ZCCHC7: variants seen among roughly 807,000 people sequenced by gnomAD.
The protein encoded by ZCCHC7 is zinc finger CCHC domain-containing protein 7.
ZCCHC7 carries 35 observed loss-of-function variants against 52.0 expected under a neutral mutation model. The observed-to-expected ratio is 0.67, with a 90% CI of 0.51 to 0.89. The LOEUF is 0.89. Among genes scored for constraint, ZCCHC7 ranks in the 40% least tolerant of loss-of-function variants. ZCCHC7 has a pLI of 0.00. For missense variants in ZCCHC7, 574 were observed against 649.1 expected, an observed-to-expected ratio of 0.88 and a Z score of 1.26; for synonymous variants, 217 against 221.5, an observed-to-expected ratio of 0.98 and a Z score of 0.18.
At chr9:37,298,631 G>A (rs1828894145) in intron 2 of ZCCHC7, among the ~76,000 whole-genome samples, 1 of 152,142 alleles carries the variant, frequency 6.6e-6, no homozygotes, top group East Asian at 1.9e-4. Context: ...GTGGGGGATT[G>A]ACTGCACATG....
At chr9:37,343,433 T>C (rs543354154) in intron 6 of ZCCHC7, among the ~76,000 whole-genome samples, 89 of 152,342 alleles carry the variant, frequency 5.8e-4, no homozygotes, top group African/African-American at 2.1e-3. Flanking sequence ...TTAAAATCTT[T>C]ACTATATTTG....
intron 2 of ZCCHC7, among the ~76,000 whole-genome samples, chr9:37,195,226 C>T (rs1823229657): frequency 6.6e-6 from 1 of 152,032 alleles, no homozygotes; most frequent in Non-Finnish European, 1.5e-5. Flanking sequence ...GGATTACAGA[C>T]GTAAGCCACC....
chr9:37,141,309 A>G (rs1414700536), intron 2 of ZCCHC7, among the ~76,000 whole-genome samples: 1 of 150,614 alleles, frequency 6.6e-6, no homozygotes, highest in Non-Finnish European at 1.5e-5. Context: ...TTTTTTTTTA[A>G]ATTTGTTTCT....
chr9:37,171,025 A>T (rs545578775), intron 2 of ZCCHC7, among the ~76,000 whole-genome samples: 19 of 152,342 alleles, frequency 1.2e-4, no homozygotes, highest in Admixed American at 4.6e-4. Context: ...GTTAACTAGT[A>T]TTTATACTTG....
intron 2 of ZCCHC7, among the ~76,000 whole-genome samples, chr9:37,164,448 GATAGATAGA>G (rs1821294588): frequency 2.3e-5 from 1 of 44,072 alleles, no homozygotes; most frequent in Non-Finnish European, 5.2e-5. Flanking sequence ...GTCTTAGATA[GATAGATAGA>G]TAGATAGATA....
At chr9:37,240,847 T>A (rs1825844005) in intron 2 of ZCCHC7, among the ~76,000 whole-genome samples, 1 of 151,836 alleles carries the variant, frequency 6.6e-6, no homozygotes, top group Non-Finnish European at 1.5e-5. Context: ...GCCACCCAAC[T>A]ACGATTAAAA....
chr9:37,157,447 G>T (rs1377312208), intron 2 of ZCCHC7, among the ~76,000 whole-genome samples: 1 of 152,076 alleles, frequency 6.6e-6, no homozygotes, highest in Non-Finnish European at 1.5e-5. Flanking sequence ...AGCCATGATT[G>T]TGCCACTGCA....
chr9:37,240,304 T>C (rs1389634248), intron 2 of ZCCHC7, among the ~76,000 whole-genome samples: 2 of 152,014 alleles, frequency 1.3e-5, no homozygotes, highest in Non-Finnish European at 2.9e-5. Flanking sequence ...TTGTTACTAA[T>C]TTAATCTAGT....
rs567685819 is a variant in ZCCHC7 at position 37,137,731 on chromosome 9, AGTTAT to A, written c.610+10793_610+10797del. On this transcript the variant is annotated intron_variant, in intron 2 of 8. Transcript: ENST00000336755. The stretch of plus-strand genomic sequence containing the variant: ...TTAAGGTACAACTTTCACTCCTCAT[AGTTAT>A]GTTCTTCCTTATAATCTTTTAACAT... 1.5e-3 allele frequency among the ~76,000 whole-genome samples: 234 copies of A among 152,270 alleles called. 1 individual carries two copies. The highest frequency in any genetic ancestry group is 3.4e-3 in the Middle Eastern group (1 of 294).
chr9:37,224,347 T>C (rs1469325537), intron 2 of ZCCHC7, among the ~76,000 whole-genome samples: 1 of 152,184 alleles, frequency 6.6e-6, no homozygotes, highest in Non-Finnish European at 1.5e-5. Flanking sequence ...TGGAAGTCTG[T>C]GTTTCTTCCC....
chr9:37,237,619 C>T (rs561504056), intron 2 of ZCCHC7, among the ~76,000 whole-genome samples: 1 of 152,148 alleles, frequency 6.6e-6, no homozygotes, highest in Non-Finnish European at 1.5e-5. Flanking sequence ...TCACTTAGTT[C>T]AAATAATTCA....
At chr9:37,302,067 T>G in intron 2 of ZCCHC7, 121 bp from the exon 3 acceptor site, 2 of 773,690 alleles carry the variant, frequency 2.6e-6, no homozygotes, top group Non-Finnish European at 4.4e-6. Context: ...TTTCAGGTAT[T>G]CAACATTTCT....
chr9:37,328,094 A>C (rs1830322729), intron 6 of ZCCHC7, among the ~76,000 whole-genome samples: 1 of 151,964 alleles, frequency 6.6e-6, no homozygotes, highest in African/African-American at 2.4e-5. Flanking sequence ...AGTCTTCCAG[A>C]CTATATTCAT....
At chr9:37,130,593 C>T (rs1370392920) in intron 2 of ZCCHC7, among the ~76,000 whole-genome samples, 1 of 150,816 alleles carries the variant, frequency 6.6e-6, no homozygotes, top group African/African-American at 2.4e-5. Context: ...CCCGGGTTCA[C>T]GCCATTCTCC....
chr9:37,195,241 C>A (rs1823230899), intron 2 of ZCCHC7, among the ~76,000 whole-genome samples: 1 of 152,116 alleles, frequency 6.6e-6, no homozygotes. Flanking sequence ...GCCACCGCGT[C>A]CAGCCAGATT....
chr9:37,147,283 G>A (rs1379121874), intron 2 of ZCCHC7: 2 of 151,924 alleles, frequency 1.3e-5, no homozygotes, highest in Non-Finnish European at 2.9e-5. Flanking sequence ...TAGGATAATA[G>A]ACATTGTAAT....
chr9:37,182,169 G>T (rs548852732), intron 2 of ZCCHC7, among the ~76,000 whole-genome samples: 4 of 152,184 alleles, frequency 2.6e-5, no homozygotes, highest in Non-Finnish European at 5.9e-5. Context: ...TAGGCTGCAA[G>T]TTCGAGGCTG....
intron 2 of ZCCHC7, among the ~76,000 whole-genome samples, chr9:37,184,249 A>G (rs1822526620): frequency 6.6e-6 from 1 of 152,186 alleles, no homozygotes; most frequent in African/African-American, 2.4e-5. Flanking sequence ...TTGTTAACTG[A>G]ATCGATAGAA....
At chr9:37,261,788 G>T (rs1330673999) in intron 2 of ZCCHC7, among the ~76,000 whole-genome samples, 3 of 151,916 alleles carry the variant, frequency 2.0e-5, no homozygotes. Context: ...TTCTTTTTCA[G>T]TTTTTTTCTC....
Sources: allele counts gnomAD v4.1 joint callset (sites outside exome capture counted in the v4.1 genomes callset), GRCh38; gene constraint gnomAD v4.1.1; transcripts MANE v1.5; gene names NCBI Gene and HGNC (gene_info 2026-07-23, HGNC 2026-07-21).